The following PDE1C variants were observed in gnomAD, a reference collection of about 807,000 sequenced individuals.
PDE1C encodes the protein phosphodiesterase 1C, also known as dual specificity calcium/calmodulin-dependent 3',5'-cyclic nucleotide phosphodiesterase 1C.
Under a neutral mutation model 93.1 loss-of-function variants are expected in PDE1C, and 62 were observed. That is an observed-to-expected ratio of 0.67 (90% CI 0.54 to 0.82). The LOEUF is 0.82. Among genes scored for constraint, PDE1C ranks in the 40% least tolerant of loss-of-function variants. The probability of loss-of-function intolerance (pLI) is 0.00; values close to 1 mark genes in which losing one functional copy is unlikely to be tolerated. For missense variants in PDE1C, 742 were observed against 884.6 expected, an observed-to-expected ratio of 0.84 and a Z score of 2.04; for synonymous variants, 325 against 310.1, an observed-to-expected ratio of 1.05 and a Z score of -0.50.
chr7:32,373,849 G>T (rs547489837), intron 1 of PDE1C, among the ~76,000 whole-genome samples: 1 of 152,028 alleles, frequency 6.6e-6, no homozygotes, highest in East Asian at 1.9e-4. Flanking sequence ...TTAGCCAGGC[G>T]TGGTGGCGTA....
intron 2 of PDE1C, among the ~76,000 whole-genome samples, chr7:31,881,519 C>A (rs1407478244): frequency 1.3e-5 from 2 of 152,168 alleles, no homozygotes; most frequent in African/African-American, 4.8e-5. Context: ...TGAACATTAT[C>A]TGCACAGAGG....
chr7:32,234,997 A>G (rs1362085257), intron 1 of PDE1C, among the ~76,000 whole-genome samples: 1 of 152,086 alleles, frequency 6.6e-6, no homozygotes, highest in African/African-American at 2.4e-5. Flanking sequence ...GCCTAAAAAG[A>G]AAAGCCATAT....
At chr7:31,982,939 T>C (rs1584317395) in intron 2 of PDE1C, among the ~76,000 whole-genome samples, 1 of 152,344 alleles carries the variant, frequency 6.6e-6, no homozygotes, top group South Asian at 2.1e-4. Context: ...AAAAAAATTA[T>C]ATAAAATCTA....
intron 3 of PDE1C, among the ~76,000 whole-genome samples, chr7:32,087,690 T>C (rs1187255181): frequency 6.6e-6 from 1 of 152,186 alleles, no homozygotes; most frequent in Non-Finnish European, 1.5e-5. Context: ...GATGAGTTCA[T>C]GTCCTTTGTA....
At chr7:31,624,020 A>G in the PDE1C span, among the ~76,000 whole-genome samples, 9 of 150,074 alleles carry the variant, frequency 6.0e-5, no homozygotes, top group African/African-American at 2.2e-4. Context: ...TCCCATTCAC[A>G]ATTGCTTCAA....
intron 9 of PDE1C, among the ~76,000 whole-genome samples, chr7:31,838,999 A>G (rs1791471648): frequency 6.7e-6 from 1 of 148,456 alleles, no homozygotes; most frequent in African/African-American, 2.4e-5. Context: ...CAAATATTTA[A>G]TATATATTAT....
intron 2 of PDE1C, chr7:31,893,605 A>G (rs1200950859): frequency 3.8e-6 from 2 of 523,178 alleles, no homozygotes; most frequent in Non-Finnish European, 4.9e-6. Flanking sequence ...TGAGCTTGAT[A>G]TCGCTCAGGT....
intron 1 of PDE1C, among the ~76,000 whole-genome samples, chr7:32,231,938 A>C (rs1015329148): frequency 1.4e-5 from 2 of 147,028 alleles, no homozygotes; most frequent in African/African-American, 5.1e-5. Context: ...AATCGTGATT[A>C]AAACAAATAA....
chr7:32,257,287 C>A (rs1457939244), intron 1 of PDE1C, among the ~76,000 whole-genome samples: 1 of 152,224 alleles, frequency 6.6e-6, no homozygotes, highest in African/African-American at 2.4e-5. Flanking sequence ...ATTGCCCTGG[C>A]TTCCTGCGTC....
chr7:32,027,171 C>T (rs537697772), intron 2 of PDE1C, among the ~76,000 whole-genome samples: 24 of 152,064 alleles, frequency 1.6e-4, no homozygotes, highest in South Asian at 6.2e-4. Flanking sequence ...GAACTTCGGG[C>T]GAGAATGATC....
At chr7:31,805,089 C>G (rs549729958) in intron 16 of PDE1C, among the ~76,000 whole-genome samples, 162 of 151,880 alleles carry the variant, frequency 1.1e-3, no homozygotes, top group Non-Finnish European at 1.5e-3. Flanking sequence ...CCTGCACACA[C>G]TTTCTTGTCT....
intron 2 of PDE1C, among the ~76,000 whole-genome samples, chr7:32,013,269 T>C (rs186859105): frequency 6.6e-6 from 1 of 152,300 alleles, no homozygotes; most frequent in East Asian, 1.9e-4. Flanking sequence ...TAGACAATAA[T>C]GAAGTACCAG....
Position 31,847,982 on chromosome 7 carries a change from T to C in PDE1C, c.966A>G (p.Ser322=), listed in dbSNP as rs1325777636. The change falls in exon 9 of 18, where the codon TCA becomes TCG. Residue 322 remains serine, a synonymous_variant. Coordinates refer to ENST00000396191, the MANE Select transcript of PDE1C (RefSeq NM_001191057.4). ...CTCATCCTTACCTCCAGTCATCCTT[T>C]GAGAGGTTAATCAAAATATTCATTT... The part of the protein sequence containing the change: ...DEEMNILINL[S]KDDWREFRTL... 1.2e-6 allele frequency: 2 copies of C among 1,612,842 alleles called. No individual in the cohort carries two copies. Among genetic ancestry groups the C allele is most frequent in the Non-Finnish European group, 1.7e-6 (2 of 1,179,442 alleles).
At chr7:31,714,362 A>G in the PDE1C span, among the ~76,000 whole-genome samples, 1 of 152,180 alleles carries the variant, frequency 6.6e-6, no homozygotes, top group African/African-American at 2.4e-5. Context: ...CATTGTCTAT[A>G]TAATTATCAT....
rs1376637847 is a variant in PDE1C at position 31,959,787 on chromosome 7, C to T, written c.129-78927G>A. Among the ~76,000 whole-genome samples the T allele has an allele frequency of 5.3e-5, 8 of 152,052 alleles. No homozygotes were observed. The East Asian group carries it at 1.2e-3, about 22-fold the overall frequency. On this transcript the variant is annotated intron_variant, in intron 2 of 17. Coordinates refer to ENST00000396191, the MANE Select transcript of PDE1C (RefSeq NM_001191057.4). The stretch of plus-strand genomic sequence containing the variant: ...ATCAAATAAAATATTCCATTGCATA[C>T]ACTTTAAGGAATGATGTAAAAGTTC...
intron 2 of PDE1C, among the ~76,000 whole-genome samples, chr7:31,993,869 T>A (rs1433756208): frequency 6.6e-6 from 1 of 152,184 alleles, no homozygotes; most frequent in Non-Finnish European, 1.5e-5. Flanking sequence ...ACAAAAGTTT[T>A]TATAACTGGC....
At chr7:31,635,889 A>G in the PDE1C span, among the ~76,000 whole-genome samples, 2 of 152,160 alleles carry the variant, frequency 1.3e-5, no homozygotes, top group African/African-American at 4.8e-5. Flanking sequence ...AAGTTTACCT[A>G]TGTAATAAAC....
chr7:32,106,115 G>A (rs772787440), intron 3 of PDE1C, among the ~76,000 whole-genome samples: 1 of 152,038 alleles, frequency 6.6e-6, no homozygotes, highest in Non-Finnish European at 1.5e-5. Context: ...GGGCTCAAAC[G>A]ATCCTCCTGC....
chr7:31,996,095 AC>A (rs1471478551), intron 2 of PDE1C, among the ~76,000 whole-genome samples: 1 of 144,362 alleles, frequency 6.9e-6, no homozygotes, highest in Non-Finnish European at 1.6e-5. Context: ...ACACACACAC[AC>A]ACACACACAC....
Sources: allele counts gnomAD v4.1 joint callset (sites outside exome capture counted in the v4.1 genomes callset), GRCh38; gene constraint gnomAD v4.1.1; transcripts MANE v1.5; gene names NCBI Gene and HGNC (gene_info 2026-07-23, HGNC 2026-07-21).